AOAH: variants seen among roughly 807,000 people sequenced by gnomAD.
AOAH encodes the protein acyloxyacyl hydrolase.
In AOAH, 64 loss-of-function variants were observed where a neutral mutation model predicts 92.2. That is an observed-to-expected ratio of 0.69 (90% CI 0.57 to 0.86). AOAH has a LOEUF of 0.86. Ranked by LOEUF, AOAH falls within the 40% of genes least tolerant of loss-of-function variation. The pLI, the probability that AOAH is intolerant of heterozygous loss-of-function variation, is 0.00. For missense variants in AOAH, 656 were observed against 694.6 expected, an observed-to-expected ratio of 0.94 and a Z score of 0.62; for synonymous variants, 263 against 254.5, an observed-to-expected ratio of 1.03 and a Z score of -0.32.
intron 11 of AOAH, among the ~76,000 whole-genome samples, chr7:36,602,466 A>G (rs1267620041): frequency 6.9e-6 from 1 of 144,864 alleles, no homozygotes; most frequent in Non-Finnish European, 1.5e-5. Flanking sequence ...TTCATCCCCT[A>G]GGGTGATTGA....
intron 1 of AOAH, among the ~76,000 whole-genome samples, chr7:36,707,655 G>A (rs1227757163): frequency 1.3e-5 from 2 of 152,094 alleles, no homozygotes; most frequent in African/African-American, 4.8e-5. Context: ...TGAAAGTTCA[G>A]CGATTAGTCA....
At position 36,697,071 on chromosome 7, in the gene AOAH, C is replaced by T. The variant is rs570068108; in HGVS notation, c.128-10277G>A. On this transcript the variant is annotated intron_variant, in intron 1 of 20. Transcript: ENST00000617537. ...ATTAAACTGAATAGAATCTTGAGTA[C>T]AATGTTGACTAGAAGTGGTGAGAAT... Among the ~76,000 whole-genome samples the T allele has an allele frequency of 1.1e-4, 16 of 152,092 alleles. 1 individual carries two copies. In the East Asian group the frequency reaches 1.5e-3, roughly 15 times the overall value.
intron 16 of AOAH, among the ~76,000 whole-genome samples, chr7:36,536,744 A>C (rs1583759356): frequency 6.6e-6 from 1 of 151,916 alleles, no homozygotes; most frequent in East Asian, 1.9e-4. Flanking sequence ...AGATCAGGAG[A>C]TCGAGACCAG....
intron 4 of AOAH, among the ~76,000 whole-genome samples, chr7:36,653,908 G>C (rs937173150): frequency 6.6e-6 from 1 of 152,150 alleles, no homozygotes; most frequent in Non-Finnish European, 1.5e-5. Context: ...AGCTAAGGAG[G>C]CTCCAGGATG....
chr7:36,663,949 C>T (rs1290836648), intron 3 of AOAH, among the ~76,000 whole-genome samples: 1 of 152,026 alleles, frequency 6.6e-6, no homozygotes, highest in Non-Finnish European at 1.5e-5. Flanking sequence ...TTGCAGTCCT[C>T]TAACAACATA....
intron 6 of AOAH, among the ~76,000 whole-genome samples, chr7:36,627,251 G>A (rs560913473): frequency 8.5e-5 from 13 of 152,302 alleles, no homozygotes; most frequent in Admixed American, 2.0e-4. Flanking sequence ...GGAAAAAAAC[G>A]TTTCTAACTC....
At chr7:36,687,196 C>A in intron 1 of AOAH, among the ~76,000 whole-genome samples, 1 of 152,166 alleles carries the variant, frequency 6.6e-6, no homozygotes, top group South Asian at 2.1e-4. Context: ...TTGAACTCAC[C>A]ATGTGGCCTT....
chr7:36,534,736 T>C, intron 16 of AOAH, among the ~76,000 whole-genome samples: 1 of 152,322 alleles, frequency 6.6e-6, no homozygotes. Context: ...ACTCCCTGGT[T>C]AGAAAGTCCA....
At chr7:36,656,385 A>C (rs1296345932) in intron 4 of AOAH, among the ~76,000 whole-genome samples, 1 of 152,172 alleles carries the variant, frequency 6.6e-6, no homozygotes, top group Non-Finnish European at 1.5e-5. Context: ...GGGACTATTG[A>C]CTAGGAGAGT....
intron 13 of AOAH, among the ~76,000 whole-genome samples, chr7:36,557,029 G>A (rs1486921094): frequency 6.6e-6 from 1 of 151,994 alleles, no homozygotes; most frequent in Non-Finnish European, 1.5e-5. Flanking sequence ...CTGTCATTAT[G>A]ATATTAGCTG....
In AOAH at chr7:36,512,992, T is replaced by C. The variant is rs1235559200; in HGVS notation, c.*260A>G. 1.4e-6 allele frequency: 2 copies of C among 1,458,814 alleles called. No homozygotes were observed. The highest frequency in any genetic ancestry group is 1.8e-6 in the Non-Finnish European group (2 of 1,082,398). The allele number at this position is 1,458,814 out of a possible 1,614,324, so 90.4% of individuals were successfully genotyped here. On this transcript the variant is annotated 3_prime_UTR_variant, in exon 21 of 21. Coordinates refer to ENST00000617537, the MANE Select transcript of AOAH (RefSeq NM_001637.4). ...AATTAGCTGTAAAGGGCACAGATACTCTCTTGTTTGGAATGGCACCCAAAG... is the reference window on the plus strand; with the variant it reads ...AATTAGCTGTAAAGGGCACAGATACCCTCTTGTTTGGAATGGCACCCAAAG...
intron 13 of AOAH, among the ~76,000 whole-genome samples, chr7:36,551,075 T>C (rs532710216): frequency 4.4e-4 from 29 of 66,556 alleles, no homozygotes; most frequent in South Asian, 9.9e-4. Context: ...CTCATTTCTT[T>C]CTTTTTTTTT....
chr7:36,592,589 T>G (rs1789823746), intron 12 of AOAH, among the ~76,000 whole-genome samples: 1 of 152,204 alleles, frequency 6.6e-6, no homozygotes, highest in South Asian at 2.1e-4. Flanking sequence ...AGAACATATC[T>G]TTGTTATGAT....
intron 13 of AOAH, among the ~76,000 whole-genome samples, chr7:36,573,729 A>T (rs1788299841): frequency 6.6e-6 from 1 of 152,164 alleles, no homozygotes; most frequent in Non-Finnish European, 1.5e-5. Context: ...AAAAAATAAA[A>T]AAATGCGTTA....
At chr7:36,555,111 G>C (rs1229554806) in intron 13 of AOAH, among the ~76,000 whole-genome samples, 1 of 145,354 alleles carries the variant, frequency 6.9e-6, no homozygotes, top group African/African-American at 2.5e-5. Context: ...GTATGATATT[G>C]GCTGTGGGTT....
intron 1 of AOAH, among the ~76,000 whole-genome samples, chr7:36,718,045 T>C (rs1799354428): frequency 6.6e-6 from 1 of 152,086 alleles, no homozygotes; most frequent in Admixed American, 6.6e-5. Flanking sequence ...GAGAAAATAT[T>C]TGTGAATCAT....
chr7:36,579,835 A>C (rs1041644520), intron 12 of AOAH, among the ~76,000 whole-genome samples: 5 of 152,166 alleles, frequency 3.3e-5, no homozygotes, highest in Non-Finnish European at 7.3e-5. Flanking sequence ...TCCTTTGGCA[A>C]CACCCTCACA....
intron 1 of AOAH, 82 bp from the exon 2 acceptor site, chr7:36,686,876 GT>G: frequency 3.2e-6 from 1 of 317,064 alleles, no homozygotes; most frequent in Non-Finnish European, 4.7e-6. Context: ...GGATGCGTGT[GT>G]GTGTGTGTGT....
chr7:36,647,837 CTT>C (rs200177551), intron 4 of AOAH, among the ~76,000 whole-genome samples: 34 of 145,070 alleles, frequency 2.3e-4, no homozygotes, highest in Admixed American at 2.8e-4. Context: ...CCTTAGAGTT[CTT>C]TTTTTTTTTT....
Sources: gnomAD v4.1 joint callset for allele counts (sites outside exome capture counted in the v4.1 genomes callset) on GRCh38, gnomAD v4.1.1 for gene constraint, MANE v1.5 for transcripts, NCBI Gene and HGNC (gene_info 2026-07-23, HGNC 2026-07-21) for gene names.